ATP11A: variants seen among roughly 807,000 people sequenced by gnomAD.
ATP11A encodes the protein phospholipid-transporting ATPase IH.
Under a neutral mutation model 154.4 loss-of-function variants are expected in ATP11A, and 81 were observed. The ratio of observed to expected loss-of-function variants is 0.52; its 90% confidence interval spans 0.44 to 0.63. The LOEUF is 0.63. Among genes scored for constraint, ATP11A ranks in the 30% least tolerant of loss-of-function variants. The pLI, the probability that ATP11A is intolerant of heterozygous loss-of-function variation, is 0.00. For missense variants in ATP11A, 1,316 were observed against 1,474.3 expected (o/e 0.89, Z 1.76); for synonymous variants, 623 against 585.9 (o/e 1.06, Z -0.91).
At chr13:112,698,556 G>A (rs576852480) in intron 1 of ATP11A, among the ~76,000 whole-genome samples, 1 of 152,252 alleles carries the variant, frequency 6.6e-6, no homozygotes, top group African/African-American at 2.4e-5. Context: ...GGGTGATGTG[G>A]CTCACTCATG....
intron 1 of ATP11A, among the ~76,000 whole-genome samples, chr13:112,737,586 C>G (rs1169349816): frequency 6.6e-6 from 1 of 152,230 alleles, no homozygotes; most frequent in African/African-American, 2.4e-5. Flanking sequence ...AGACAGGACT[C>G]AGCTTGGCTG....
intron 1 of ATP11A, among the ~76,000 whole-genome samples, chr13:112,769,327 G>A (rs1305103432): frequency 2.0e-5 from 3 of 152,226 alleles, no homozygotes; most frequent in Non-Finnish European, 4.4e-5. Flanking sequence ...CACAGCAGGT[G>A]CAGCACAGCC....
At chr13:112,734,279 C>CG (rs967125451) in intron 1 of ATP11A, among the ~76,000 whole-genome samples, 6 of 151,838 alleles carry the variant, frequency 4.0e-5, no homozygotes, top group African/African-American at 1.5e-4. Context: ...GTGCAGGGGG[C>CG]GGGGGTGAGG....
chr13:112,856,399 G>A (rs1333436962), intron 20 of ATP11A: 1 of 201,714 alleles, frequency 5.0e-6, no homozygotes, highest in African/African-American at 2.3e-5. Context: ...CTACACTAAA[G>A]GTGTAAGGGA....
intron 1 of ATP11A, among the ~76,000 whole-genome samples, chr13:112,700,111 A>C (rs565808679): frequency 5.3e-5 from 8 of 152,018 alleles, no homozygotes; most frequent in African/African-American, 1.7e-4. Context: ...AGGAAGGTAA[A>C]AGATTTTAAA....
intron 1 of ATP11A, among the ~76,000 whole-genome samples, chr13:112,751,084 C>G (rs2076679785): frequency 6.6e-6 from 1 of 152,224 alleles, no homozygotes; most frequent in South Asian, 2.1e-4. Context: ...CAGGGTCTCT[C>G]TGCTCCCTGT....
At chr13:112,793,394 G>T (rs961243206) in intron 2 of ATP11A, among the ~76,000 whole-genome samples, 4 of 152,166 alleles carry the variant, frequency 2.6e-5, no homozygotes, top group Non-Finnish European at 1.5e-5. Flanking sequence ...CAAAGATGGG[G>T]TTTTGCCATT....
intron 16 of ATP11A, among the ~76,000 whole-genome samples, chr13:112,840,747 T>G (rs1008425916): frequency 6.6e-6 from 1 of 151,910 alleles, no homozygotes; most frequent in African/African-American, 2.4e-5. Context: ...CAGGAGTTAG[T>G]GCTTCCTGGC....
In ATP11A at chr13:112,822,484, T is replaced by G. The variant is rs148740129; in HGVS notation, c.726-861T>G. Among the ~76,000 whole-genome samples, 29 of 152,258 alleles carry G rather than the reference T, an allele frequency of 1.9e-4. No homozygotes were observed. In the East Asian group the frequency reaches 3.9e-3, roughly 20 times the overall value. ...CATGTCCCCCCCATTCAGAGGAGCT[T>G]TGCAGTGTGGCTACCAGTGTTTCTA... On this transcript the variant is annotated intron_variant, in intron 8 of 29. Transcript: ENST00000375645.
At chr13:112,700,738 C>T (rs1051848667) in intron 1 of ATP11A, among the ~76,000 whole-genome samples, 2 of 152,246 alleles carry the variant, frequency 1.3e-5, no homozygotes, top group African/African-American at 4.8e-5. Flanking sequence ...CACGGCCACT[C>T]CAACATGCGG....
At chr13:112,808,894 G>A (rs557915643) in intron 4 of ATP11A, among the ~76,000 whole-genome samples, 1 of 152,306 alleles carries the variant, frequency 6.6e-6, no homozygotes, top group South Asian at 2.1e-4. Flanking sequence ...GTCCCAGCCA[G>A]GCTGGCTGGT....
In ATP11A at chr13:112,859,349, CCT is replaced by C. The variant is rs1359943602; in HGVS notation, c.2668-41_2668-40del. ...CACGTCGGTAGGTGGCGGCTGCCTC[CCT>C]CTGTCCCGTCACCGAACTAACAGTT... On this transcript the variant is annotated intron_variant, in intron 22 of 29. Coordinates refer to ENST00000375645, the MANE Select transcript of ATP11A (RefSeq NM_015205.3). This position sits in a 1 kb window ranked among gnomAD's most constrained non-coding sequence, Gnocchi z 4.3. The C allele has an allele frequency of 6.3e-7, 1 of 1,579,368 alleles. No individual in the cohort carries two copies.
chr13:112,874,352 G>T (rs2080647133), intron 27 of ATP11A, among the ~76,000 whole-genome samples: 1 of 152,252 alleles, frequency 6.6e-6, no homozygotes, highest in Non-Finnish European at 1.5e-5. Flanking sequence ...GCTCGAGGCT[G>T]TCGTGGTCAG....
At position 112,756,349 on chromosome 13, in the gene ATP11A, GTTCT is replaced by G. The variant is rs1012522502; in HGVS notation, c.40-28781_40-28778del. On this transcript the variant is annotated intron_variant, in intron 1 of 29. Transcript: ENST00000375645. ...AAAGGGGAAAGTGTTTTTCCTGGCA[GTTCT>G]TTCTCTCTAGACCCTGCAGGCCACC... Among the ~76,000 whole-genome samples the G allele has an allele frequency of 3.9e-5, 6 of 152,162 alleles. No homozygotes were observed. In the East Asian group the frequency reaches 1.2e-3, roughly 29 times the overall value.
intron 1 of ATP11A, among the ~76,000 whole-genome samples, chr13:112,706,457 G>A (rs1355582433): frequency 1.3e-5 from 2 of 152,218 alleles, no homozygotes; most frequent in Non-Finnish European, 2.9e-5. Flanking sequence ...TCCTAAGTGT[G>A]TTTATAAGAA....
At chr13:112,725,554 G>C (rs1421823312) in intron 1 of ATP11A, among the ~76,000 whole-genome samples, 3 of 152,250 alleles carry the variant, frequency 2.0e-5, no homozygotes, top group Non-Finnish European at 4.4e-5. Context: ...ACTGGCACAA[G>C]TGTGTGCTCT....
intron 12 of ATP11A, 117 bp from the exon 13 acceptor site, chr13:112,831,258 C>A: frequency 8.8e-7 from 1 of 1,139,828 alleles, no homozygotes; most frequent in Non-Finnish European, 1.3e-6. Context: ...CTTTAGAAAT[C>A]CACCGCCTAT....
chr13:112,777,896 A>G (rs1017784833), intron 1 of ATP11A, among the ~76,000 whole-genome samples: 19 of 151,750 alleles, frequency 1.3e-4, no homozygotes, highest in African/African-American at 3.9e-4. Flanking sequence ...TTCTCCCCCA[A>G]CGCCAGATGT....
rs142582478 is a variant in ATP11A at position 112,760,682 on chromosome 13, G to A, written c.40-24453G>A. Among the ~76,000 whole-genome samples, 75 of 152,208 alleles carry A rather than the reference G, an allele frequency of 4.9e-4. 1 individual carries two copies. Among genetic ancestry groups the A allele is most frequent in the Middle Eastern group, 3.4e-3 (1 of 294 alleles). ...TTCCCATGCACCAGGTCATGTTTGC[G>A]TAAATATAATTACACTGTATTATGT... On this transcript the variant is annotated intron_variant, in intron 1 of 29. Coordinates refer to ENST00000375645, the MANE Select transcript of ATP11A (RefSeq NM_015205.3).
Sources: gnomAD v4.1 joint callset for allele counts (sites outside exome capture counted in the v4.1 genomes callset) on GRCh38, gnomAD v4.1.1 for gene constraint, Gnocchi (gnomAD v3.1) non-coding constraint, MANE v1.5 for transcripts, NCBI Gene and HGNC (gene_info 2026-07-23, HGNC 2026-07-21) for gene names.